TRIQK: variants seen among roughly 807,000 people sequenced by gnomAD.
TRIQK encodes the protein triple QxxK/R motif-containing protein.
In TRIQK, 10 loss-of-function variants were observed where a neutral mutation model predicts 10.8. The observed-to-expected ratio is 0.92, with a 90% CI of 0.57 to 1.57. The LOEUF is 1.57. TRIQK is among the 40% of genes most tolerant of loss of function. The pLI is 0.00. For synonymous variants in TRIQK, 33 were observed against 33.7 expected (o/e 0.98, Z 0.07); for missense variants, 107 against 97.7 (o/e 1.09, Z -0.40).
chr8:93,007,627 C>G (rs1813287713), intron 1 of TRIQK, among the ~76,000 whole-genome samples: 1 of 152,136 alleles, frequency 6.6e-6, no homozygotes, highest in Admixed American at 6.5e-5. Flanking sequence ...AGCTAAGAAC[C>G]ATGATAAAAC....
chr8:92,980,479 C>T (rs901009970), intron 1 of TRIQK, among the ~76,000 whole-genome samples: 20 of 151,874 alleles, frequency 1.3e-4, no homozygotes, highest in East Asian at 5.8e-4. Context: ...TTCTTTGTTA[C>T]GAAAATCTTT....
chr8:92,897,436 T>G (rs139871440), intron 3 of TRIQK, among the ~76,000 whole-genome samples: 1 of 152,274 alleles, frequency 6.6e-6, no homozygotes, highest in African/African-American at 2.4e-5. Context: ...GAGGTGGGAC[T>G]TTTAAGAGAT....
At chr8:92,964,909 T>A (rs1217892881) in intron 1 of TRIQK, 1 of 152,198 alleles carries the variant, frequency 6.6e-6, no homozygotes, top group Non-Finnish European at 1.5e-5. Context: ...CTCCTCCCAA[T>A]GTTAACAAGC....
chr8:92,998,041 T>C (rs1043668290), intron 1 of TRIQK, among the ~76,000 whole-genome samples: 1 of 151,900 alleles, frequency 6.6e-6, no homozygotes, highest in Admixed American at 6.6e-5. Flanking sequence ...TTTCTGTATG[T>C]ATATGATTAG....
intron 2 of TRIQK, among the ~76,000 whole-genome samples, chr8:92,925,749 ATGT>A (rs1810413429): frequency 6.6e-6 from 1 of 152,204 alleles, no homozygotes; most frequent in African/African-American, 2.4e-5. Flanking sequence ...ATTGAAGAGA[ATGT>A]GGAGCAACTG....
At chr8:92,923,510 G>A (rs1337486807) in intron 2 of TRIQK, among the ~76,000 whole-genome samples, 1 of 151,774 alleles carries the variant, frequency 6.6e-6, no homozygotes, top group Non-Finnish European at 1.5e-5. Flanking sequence ...CTGAAATATG[G>A]ATTAATAAGA....
chr8:92,976,691 G>T (rs533386999), intron 1 of TRIQK, among the ~76,000 whole-genome samples: 2 of 151,752 alleles, frequency 1.3e-5, no homozygotes, highest in Non-Finnish European at 2.9e-5. Flanking sequence ...TTTTCTATAC[G>T]TTCAATCCCT....
intron 2 of TRIQK, among the ~76,000 whole-genome samples, chr8:92,917,678 G>C (rs570571623): frequency 6.6e-6 from 1 of 152,092 alleles, no homozygotes; most frequent in South Asian, 2.1e-4. Context: ...GTAATGACCA[G>C]TTCAGAATAA....
intron 3 of TRIQK, among the ~76,000 whole-genome samples, chr8:92,914,013 A>G (rs1259160934): frequency 1.3e-5 from 2 of 152,140 alleles, no homozygotes; most frequent in African/African-American, 4.8e-5. Context: ...AGAAATACCT[A>G]ATATAGATGA....
intron 3 of TRIQK, among the ~76,000 whole-genome samples, chr8:92,901,841 G>A (rs73313301): frequency 0.031 from 4,694 of 152,140 alleles, 234 homozygotes; most frequent in African/African-American, 0.11. Flanking sequence ...TCGAATGTTT[G>A]GTAGAATCTA....
At chr8:92,987,999 T>C (rs1322596027) in intron 1 of TRIQK, among the ~76,000 whole-genome samples, 1 of 117,692 alleles carries the variant, frequency 8.5e-6, no homozygotes, top group Non-Finnish European at 1.7e-5. Context: ...CTTTATACTT[T>C]CTTTTTTTTT....
intron 2 of TRIQK, among the ~76,000 whole-genome samples, chr8:92,941,932 A>T (rs1811290812): frequency 6.6e-6 from 1 of 152,228 alleles, no homozygotes; most frequent in Non-Finnish European, 1.5e-5. Context: ...TAAATTAGTA[A>T]TAGAGTCTCT....
chr8:92,970,037 T>A (rs377318494), upstream of TRIQK, among the ~76,000 whole-genome samples: 4 of 152,150 alleles, frequency 2.6e-5, no homozygotes, highest in East Asian at 3.8e-4. Context: ...AGTGAGAATA[T>A]TCAGTGTTTG....
chr8:92,960,328 AAAAT>A (rs1339399727), intron 1 of TRIQK, among the ~76,000 whole-genome samples: 4 of 152,084 alleles, frequency 2.6e-5, no homozygotes, highest in African/African-American at 9.7e-5. Context: ...TTTTTTAACT[AAAAT>A]AACCTCTCAA....
chr8:92,937,528 C>T (rs2130588053), intron 2 of TRIQK, among the ~76,000 whole-genome samples: 2 of 151,060 alleles, frequency 1.3e-5, no homozygotes, highest in Non-Finnish European at 1.5e-5. Context: ...ATTTATATCC[C>T]TCATCCTACA....
At chr8:92,901,289 C>A (rs183615295) in intron 3 of TRIQK, among the ~76,000 whole-genome samples, 1 of 152,008 alleles carries the variant, frequency 6.6e-6, no homozygotes, top group African/African-American at 2.4e-5. Flanking sequence ...TGTTGAATAA[C>A]GGGGGTGGAA....
At chr8:92,926,495 GT>G (rs1357685519) in intron 2 of TRIQK, 3 of 152,032 alleles carry the variant, frequency 2.0e-5, no homozygotes, top group African/African-American at 7.2e-5. Context: ...GTTATACTTT[GT>G]TTTTACTCTT....
chr8:92,978,789 T>C (rs1812956982), intron 1 of TRIQK, among the ~76,000 whole-genome samples: 1 of 152,110 alleles, frequency 6.6e-6, no homozygotes, highest in Non-Finnish European at 1.5e-5. Context: ...CAACTCAATG[T>C]TTGAGAGATT....
At chr8:92,931,939 T>A (rs1253626913) in intron 2 of TRIQK, among the ~76,000 whole-genome samples, 1 of 152,166 alleles carries the variant, frequency 6.6e-6, no homozygotes, top group East Asian at 1.9e-4. Context: ...AACAGATTAA[T>A]ATTTTAGGCA....
Sources: allele counts gnomAD v4.1 joint callset (sites outside exome capture counted in the v4.1 genomes callset), GRCh38; gene constraint gnomAD v4.1.1; transcripts MANE v1.5; gene names NCBI Gene and HGNC (gene_info 2026-07-23, HGNC 2026-07-21).